SCYL2: variants seen among roughly 807,000 people sequenced by gnomAD.
The protein encoded by SCYL2 is SCY1-like protein 2.
A neutral mutation model predicts 100.4 loss-of-function variants in SCYL2; 36 were observed. The ratio of observed to expected loss-of-function variants is 0.36; its 90% confidence interval spans 0.27 to 0.47. The LOEUF is 0.47. SCYL2 is among the 20% of genes least tolerant of loss of function. The pLI is 1.00. For synonymous variants in SCYL2, 330 were observed against 359.2 expected, an observed-to-expected ratio of 0.92 and a Z score of 0.92; for missense variants, 902 against 1,083.9, an observed-to-expected ratio of 0.83 and a Z score of 2.36.
intron 4 of SCYL2, among the ~76,000 whole-genome samples, chr12:100,305,224 G>T (rs1051220333): frequency 6.6e-6 from 1 of 152,106 alleles, no homozygotes; most frequent in East Asian, 1.9e-4. Flanking sequence ...CCACATTGCA[G>T]TTATTCTAAA....
At position 100,335,859 on chromosome 12, in the gene SCYL2, A is replaced by G; in HGVS notation, c.1978A>G (p.Ser660Gly). 1 of 1,613,516 alleles carries G rather than the reference A, an allele frequency of 6.2e-7. No individual in the cohort carries two copies. ...NNIGADLLTG[S>G]ESENKEDGLQ... ...CATTGGAGCAGACCTTCTGACTGGC[A>G]GTGAGTCCGAAAATAAAGAGGACGG... is the stretch of plus-strand genomic sequence containing the variant. The change falls in exon 16 of 18, where the codon AGT becomes GGT. Residue 660 changes from serine to glycine, a missense_variant. By Grantham distance (56) the Ser-to-Gly change is moderately conservative (BLOSUM62 0). Coordinates refer to ENST00000360820, the MANE Select transcript of SCYL2 (RefSeq NM_017988.6).
intron 4 of SCYL2, among the ~76,000 whole-genome samples, chr12:100,306,616 T>G (rs2096334707): frequency 6.6e-6 from 1 of 152,216 alleles, no homozygotes. Flanking sequence ...TCACCACTCC[T>G]ATTCAACATT....
intron 5 of SCYL2, 146 bp downstream of exon 5, chr12:100,311,339 G>A (rs1377509310): frequency 9.7e-6 from 6 of 620,930 alleles, no homozygotes; most frequent in Non-Finnish European, 2.4e-6. Context: ...GCACTTAAGA[G>A]TATTCTTCGG....
At chr12:100,297,331 A>G (rs1047642950) in intron 3 of SCYL2, among the ~76,000 whole-genome samples, 1 of 151,078 alleles carries the variant, frequency 6.6e-6, no homozygotes, top group Non-Finnish European at 1.5e-5. Context: ...GCACATAGGG[A>G]TGCTGGGACT....
At chr12:100,287,766 G>A (rs2096306004) in intron 2 of SCYL2, among the ~76,000 whole-genome samples, 1 of 152,112 alleles carries the variant, frequency 6.6e-6, no homozygotes, top group African/African-American at 2.4e-5. Flanking sequence ...CATACTGGAT[G>A]ATTGTGCTAT....
intron 10 of SCYL2, among the ~76,000 whole-genome samples, chr12:100,318,355 G>C (rs1164584928): frequency 8.6e-6 from 1 of 115,776 alleles, no homozygotes; most frequent in Non-Finnish European, 1.7e-5. Flanking sequence ...TTTTGAGACT[G>C]AGTCTTGCTC....
At chr12:100,273,392 G>C (rs932437696) in intron 1 of SCYL2, among the ~76,000 whole-genome samples, 15 of 152,162 alleles carry the variant, frequency 9.9e-5, no homozygotes, top group African/African-American at 3.6e-4. Flanking sequence ...TTATCACTCT[G>C]TAGGCTAGTG....
At chr12:100,293,361 C>T (rs1323194997) in intron 3 of SCYL2, among the ~76,000 whole-genome samples, 1 of 152,088 alleles carries the variant, frequency 6.6e-6, no homozygotes, top group Non-Finnish European at 1.5e-5. Flanking sequence ...TATTGTGAAT[C>T]CTGTATCCCA....
intron 10 of SCYL2, among the ~76,000 whole-genome samples, chr12:100,318,643 T>C (rs2096352125): frequency 6.6e-6 from 1 of 152,202 alleles, no homozygotes; most frequent in Admixed American, 6.5e-5. Flanking sequence ...CGTGTGCCTT[T>C]TTCTCATGAA....
intron 4 of SCYL2, among the ~76,000 whole-genome samples, chr12:100,303,454 A>C (rs1413885317): frequency 6.7e-6 from 1 of 149,548 alleles, no homozygotes. Context: ...CTTTTTGTTG[A>C]TGTTGATGTT....
rs1167985981 is a variant in SCYL2 at position 100,337,389 on chromosome 12, A to G, written c.2028A>G (p.Ala676=). The G allele has an allele frequency of 6.2e-7, 1 of 1,601,046 alleles. No homozygotes were observed. The highest frequency in any genetic ancestry group is 1.8e-5 in the Admixed American group (1 of 55,574). ...TTTTTGCTTTATTTTGTTTTAAGGC[A>G]TCACTTACACTTGAAGAAAAACAAA... ...EDGLQNKHKR[A]SLTLEEKQKL... is the part of the protein sequence containing the mutation. The change falls in exon 17 of 18, where the codon GCA becomes GCG. Residue 676 remains alanine, a splice_region_variant and synonymous_variant. Coordinates refer to ENST00000360820, the MANE Select transcript of SCYL2 (RefSeq NM_017988.6).
At chr12:100,280,801 G>A (rs1321946836) in intron 1 of SCYL2, among the ~76,000 whole-genome samples, 1 of 151,574 alleles carries the variant, frequency 6.6e-6, no homozygotes, top group African/African-American at 2.4e-5. Context: ...TCCAACATCT[G>A]AAAAAATAAA....
At chr12:100,273,729 C>A (rs1324109552) in intron 1 of SCYL2, among the ~76,000 whole-genome samples, 3 of 152,200 alleles carry the variant, frequency 2.0e-5, no homozygotes, top group Non-Finnish European at 4.4e-5. Flanking sequence ...TTCTGGAATA[C>A]TCCTTCCCCC....
At chr12:100,274,206 A>G (rs896743756) in intron 1 of SCYL2, among the ~76,000 whole-genome samples, 1 of 152,234 alleles carries the variant, frequency 6.6e-6, no homozygotes, top group Admixed American at 6.5e-5. Flanking sequence ...AACAGGATAC[A>G]AACTACCTGA....
At chr12:100,315,160 G>T (rs1180193996) in intron 8 of SCYL2, among the ~76,000 whole-genome samples, 2 of 152,146 alleles carry the variant, frequency 1.3e-5, no homozygotes, top group Admixed American at 6.5e-5. Context: ...ATAAAATACT[G>T]TCCCTGCTCT....
intron 4 of SCYL2, among the ~76,000 whole-genome samples, chr12:100,298,745 A>G (rs1296010315): frequency 1.3e-5 from 2 of 152,054 alleles, no homozygotes; most frequent in Non-Finnish European, 2.9e-5. Flanking sequence ...CACCACGCCT[A>G]GCTAATTTTT....
intron 4 of SCYL2, among the ~76,000 whole-genome samples, chr12:100,302,870 T>TA (rs1309239698): frequency 6.6e-6 from 1 of 152,154 alleles, no homozygotes; most frequent in Admixed American, 6.5e-5. Context: ...CCATTCTCCT[T>TA]ATCACCTTCA....
intron 13 of SCYL2, among the ~76,000 whole-genome samples, chr12:100,332,805 C>T (rs1237016267): frequency 6.6e-6 from 1 of 151,412 alleles, no homozygotes; most frequent in Non-Finnish European, 1.5e-5. Flanking sequence ...GCGTTGACCT[C>T]CTGGGCCCAA....
At chr12:100,314,897 G>C (rs2096346619) in intron 8 of SCYL2, among the ~76,000 whole-genome samples, 1 of 152,166 alleles carries the variant, frequency 6.6e-6, no homozygotes, top group Admixed American at 6.5e-5. Flanking sequence ...GGAGTTCATT[G>C]TCTCACCAGC....
Sources: gnomAD v4.1 joint callset for allele counts (sites outside exome capture counted in the v4.1 genomes callset) on GRCh38, gnomAD v4.1.1 for gene constraint, MANE v1.5 for transcripts, NCBI Gene and HGNC (gene_info 2026-07-23, HGNC 2026-07-21) for gene names.